DMD: variants seen among roughly 807,000 people sequenced by gnomAD.
DMD encodes mutant dystrophin.
DMD carries 63 observed loss-of-function variants against 330.1 expected under a neutral mutation model. That is an observed-to-expected ratio of 0.19 (90% confidence interval 0.16 to 0.24). The LOEUF (loss-of-function observed/expected upper bound fraction) is 0.24, where lower values mean the gene tolerates loss of function less well. Among genes scored for constraint, DMD ranks in the 10% least tolerant of loss-of-function variants. The pLI, the probability that DMD is intolerant of heterozygous loss-of-function variation, is 1.00. For missense variants in DMD, 3,344 were observed against 2,684.1 expected (o/e 1.25, Z -5.43); for synonymous variants, 1,223 against 959.8 (o/e 1.27, Z -5.07).
At chrX:31,482,345 GA>G (rs980360632) in intron 57 of DMD, among the ~76,000 whole-genome samples, 3 of 109,538 alleles carry the variant, frequency 2.7e-5, no homozygotes, top group Non-Finnish European at 5.7e-5. Flanking sequence ...GGTTTGAGGA[GA>G]AAAAAAATAC....
chrX:32,392,053 A>G (rs750470989), intron 30 of DMD, among the ~76,000 whole-genome samples: 68 of 111,639 alleles, frequency 6.1e-4, no homozygotes, highest in African/African-American at 2.1e-3. Flanking sequence ...GAATTGACAG[A>G]AGAGTCTGGT....
chrX:32,981,257 T>G (rs1394468691), intron 2 of DMD, among the ~76,000 whole-genome samples: 1 of 112,119 alleles, frequency 8.9e-6, no homozygotes, highest in Non-Finnish European at 1.9e-5. Context: ...CACAAGCCGC[T>G]ATTTCTGTCA....
chrX:32,467,940 T>C (rs1229676332), intron 23 of DMD, among the ~76,000 whole-genome samples: 1 of 110,324 alleles, frequency 9.1e-6, no homozygotes, highest in Non-Finnish European at 1.9e-5. Context: ...TATGGAGTTA[T>C]ACATAATGGG....
chrX:32,606,665 G>A (rs1055746151), intron 12 of DMD, among the ~76,000 whole-genome samples: 7 of 107,839 alleles, frequency 6.5e-5, no homozygotes, highest in Non-Finnish European at 7.8e-5. Context: ...GCGTCCATCA[G>A]TAAATGATTG....
chrX:31,373,858 G>C (rs756117089), intron 60 of DMD, among the ~76,000 whole-genome samples: 1 of 108,817 alleles, frequency 9.2e-6, no homozygotes, highest in Non-Finnish European at 1.9e-5. Context: ...CACAGCAAAA[G>C]AAACTACCAT....
intron 55 of DMD, among the ~76,000 whole-genome samples, chrX:31,517,870 A>C (rs1445923803): frequency 9.1e-6 from 1 of 110,279 alleles, no homozygotes; most frequent in Non-Finnish European, 1.9e-5. Flanking sequence ...TGTTATTTAA[A>C]GTTCTATTTC....
At chrX:31,325,719 A>C (rs1004814591) in intron 61 of DMD, among the ~76,000 whole-genome samples, 1 of 111,703 alleles carries the variant, frequency 9.0e-6, no homozygotes, top group Non-Finnish European at 1.9e-5. Context: ...CTATAGCAGG[A>C]AACATGGTGG....
chrX:31,586,929 A>G (rs1448420755), intron 55 of DMD, among the ~76,000 whole-genome samples: 2 of 112,140 alleles, frequency 1.8e-5, no homozygotes, highest in Non-Finnish European at 3.8e-5. Flanking sequence ...TGCAATTACA[A>G]AAGAAATGTT....
intron 67 of DMD, among the ~76,000 whole-genome samples, chrX:31,198,518 T>C (rs1177399244): frequency 8.9e-6 from 1 of 112,503 alleles, no homozygotes; most frequent in Non-Finnish European, 1.9e-5. Context: ...TGTATGCTTG[T>C]ATCAAAATAT....
intron 50 of DMD, among the ~76,000 whole-genome samples, chrX:31,797,362 C>A (rs1377402064): frequency 9.1e-6 from 1 of 110,357 alleles, no homozygotes; most frequent in Non-Finnish European, 1.9e-5. Context: ...GAAACTAACA[C>A]AATAGAGAAT....
chrX:32,079,977 T>G (rs763534569), intron 44 of DMD, among the ~76,000 whole-genome samples: 1 of 112,287 alleles, frequency 8.9e-6, no homozygotes, highest in African/African-American at 3.2e-5. Flanking sequence ...GATTAAAAAA[T>G]TTCCATAAAG....
chrX:33,003,755 G>A (rs1359790749), intron 2 of DMD, among the ~76,000 whole-genome samples: 2 of 111,792 alleles, frequency 1.8e-5, no homozygotes, highest in Non-Finnish European at 3.8e-5. Flanking sequence ...TACATAGCTC[G>A]TTTAATATAT....
chrX:31,422,100 G>T (rs1226548164), intron 60 of DMD, among the ~76,000 whole-genome samples: 1 of 102,258 alleles, frequency 9.8e-6, no homozygotes, highest in Non-Finnish European at 2.0e-5. Context: ...CCAGGCTCCG[G>T]GTTCAAGCAA....
intron 30 of DMD, among the ~76,000 whole-genome samples, chrX:32,392,189 G>C (rs1049185117): frequency 8.9e-6 from 1 of 111,922 alleles, no homozygotes; most frequent in African/African-American, 3.2e-5. Flanking sequence ...AGAAGTAGAT[G>C]CATAGGGAGT....
chrX:31,580,369 G>T (rs1423428213), intron 55 of DMD, among the ~76,000 whole-genome samples: 1 of 111,736 alleles, frequency 8.9e-6, no homozygotes, highest in Non-Finnish European at 1.9e-5. Context: ...TGCTCGGGCT[G>T]GTTAGCCTGC....
At chrX:31,576,132 T>A (rs935358077) in intron 55 of DMD, among the ~76,000 whole-genome samples, 1 of 111,982 alleles carries the variant, frequency 8.9e-6, no homozygotes. Flanking sequence ...TAAATACCCA[T>A]AGTACATTAT....
chrX:32,731,296 G>A (rs768406424), intron 7 of DMD, among the ~76,000 whole-genome samples: 5 of 112,440 alleles, frequency 4.4e-5, no homozygotes, highest in South Asian at 3.7e-4. Flanking sequence ...TAGCACAGCA[G>A]TCTGAGATCA....
At chrX:32,356,049 T>C (rs893445220) in intron 37 of DMD, among the ~76,000 whole-genome samples, 41 of 111,006 alleles carry the variant, frequency 3.7e-4, no homozygotes, top group African/African-American at 1.1e-3. Flanking sequence ...TGTATTTGCA[T>C]TGATAAATCT....
At chrX:32,653,382 C>A (rs1248627087) in intron 9 of DMD, among the ~76,000 whole-genome samples, 2 of 111,853 alleles carry the variant, frequency 1.8e-5, no homozygotes, top group Non-Finnish European at 3.8e-5. Flanking sequence ...ATATGGCTAG[C>A]CAGTTTTCCC....
Sources: gnomAD v4.1 joint callset for allele counts (sites outside exome capture counted in the v4.1 genomes callset) on GRCh38, gnomAD v4.1.1 for gene constraint, MANE v1.5 for transcripts, NCBI Gene and HGNC (gene_info 2026-07-23, HGNC 2026-07-21) for gene names.